The following TFAP2E variants were observed in gnomAD, a reference collection of about 807,000 sequenced individuals.
TFAP2E encodes transcription factor AP-2 epsilon, also known as transcription factor AP-2-epsilon.
A neutral mutation model predicts 37.9 loss-of-function variants in TFAP2E; 30 were observed. The observed-to-expected ratio is 0.79, with a 90% CI of 0.59 to 1.07. The LOEUF is 1.07. TFAP2E is among the 50% of genes least tolerant of loss of function. The pLI is 0.00. For missense variants in TFAP2E, 567 were observed against 637.9 expected, an observed-to-expected ratio of 0.89 and a Z score of 1.20; for synonymous variants, 318 against 295.8, an observed-to-expected ratio of 1.08 and a Z score of -0.77.
chr1:35,574,792 C>G, intron 2 of TFAP2E, 157 bp from the exon 3 acceptor site: 1 of 939,212 alleles, frequency 1.1e-6, no homozygotes. Context: ...CAGCTCAGTG[C>G]CTGGACATAG....
intron 4 of TFAP2E, among the ~76,000 whole-genome samples, chr1:35,589,280 C>T (rs911705579): frequency 4.8e-5 from 7 of 145,086 alleles, no homozygotes; most frequent in Admixed American, 3.5e-4. Flanking sequence ...GTTTACATAT[C>T]TGTGCCACTG....
In TFAP2E at chr1:35,594,611, A is replaced by C; in HGVS notation, c.1264A>C (p.Ser422Arg). The C allele has an allele frequency of 1.2e-6, 2 of 1,614,220 alleles. No individual in the cohort carries two copies. Among genetic ancestry groups the C allele is most frequent in the Non-Finnish European group, 1.7e-6 (2 of 1,180,032 alleles). ...CAAGGGGCTGGACAAGATGTTTCTA[A>C]GCAGTGTGGGCAGTGGGCATGGTGA... ...SLKGLDKMFL[S>R]SVGSGHGETK... The change falls in exon 7 of 7, where the codon AGC becomes CGC. Residue 422 changes from serine to arginine, a missense_variant. Ser to Arg is a moderately radical substitution (Grantham distance 110, BLOSUM62 -1). Transcript: ENST00000373235.
At position 35,573,522 on chromosome 1, in the gene TFAP2E, G is replaced by C. The variant is rs1259368599; in HGVS notation, c.-56G>C. On this transcript the variant is annotated 5_prime_UTR_variant, in exon 1 of 7. Transcript: ENST00000373235. The surrounding 1 kb of genome is among the most constrained non-coding windows in gnomAD (Gnocchi z 5.9). ...CCCGGCGCCTCTGCCCGCAGCGCTC[G>C]CCGTCGGGCTAGGGCTCCGCCGCCG... The C allele has an allele frequency of 6.8e-7, 1 of 1,463,118 alleles. No homozygotes were observed. Among genetic ancestry groups the C allele is most frequent in the African/African-American group, 1.5e-5 (1 of 67,014 alleles). The allele number at this position is 1,463,118 out of a possible 1,614,324, so 90.6% of individuals were successfully genotyped here. A position where few individuals can be genotyped will look rare whatever the true frequency, so the allele number is the denominator to read the frequency against.
chr1:35,574,433 G>T, intron 2 of TFAP2E, 24 bp downstream of exon 2: 1 of 1,374,932 alleles, frequency 7.3e-7, no homozygotes, highest in South Asian at 1.7e-5. Flanking sequence ...GATCCGGGAT[G>T]GGTCGGGACT....
chr1:35,578,332 C>A (rs1649242597), intron 3 of TFAP2E, among the ~76,000 whole-genome samples: 2 of 151,674 alleles, frequency 1.3e-5, no homozygotes, highest in South Asian at 4.2e-4. Context: ...GGAGGCTGAG[C>A]CAGGGGAATC....
chr1:35,587,407 AGGCG>A (rs1649511355), intron 3 of TFAP2E, among the ~76,000 whole-genome samples: 2 of 152,080 alleles, frequency 1.3e-5, no homozygotes, highest in African/African-American at 4.8e-5. Context: ...TGGGAGGCCG[AGGCG>A]GGTGGATCAT....
At chr1:35,575,952 G>C (rs1316836456) in intron 3 of TFAP2E, among the ~76,000 whole-genome samples, 1 of 152,234 alleles carries the variant, frequency 6.6e-6, no homozygotes, top group African/African-American at 2.4e-5. Flanking sequence ...AAAACAGAGA[G>C]ACAGCCAGAG....
Position 35,594,927 on chromosome 1 carries a change from G to A in TFAP2E, c.*251G>A. 1 of 557,864 alleles carries A rather than the reference G, an allele frequency of 1.8e-6. No homozygotes were observed. 34.6% of individuals were successfully genotyped at this position (557,864 alleles called of 1,614,324 possible). A position where few individuals can be genotyped will look rare whatever the true frequency, so the allele number is the denominator to read the frequency against. On this transcript the variant is annotated 3_prime_UTR_variant, in exon 7 of 7. Coordinates refer to ENST00000373235, the MANE Select transcript of TFAP2E (RefSeq NM_178548.4). ...CAATTTTCTGACCTTTGATGGTTGA[G>A]AAGGGTTTGGACAGAAAATTGACAT...
intron 6 of TFAP2E, 147 bp from the exon 7 acceptor site, chr1:35,594,247 G>A: frequency 9.7e-7 from 1 of 1,035,148 alleles, no homozygotes; most frequent in Non-Finnish European, 1.4e-6. Context: ...TTCCTTTTCT[G>A]TAAAAAACAG....
At chr1:35,589,906 C>G (rs761537791) in intron 4 of TFAP2E, 24 bp from the exon 5 acceptor site, 2 of 1,608,306 alleles carry the variant, frequency 1.2e-6, no homozygotes, top group Admixed American at 3.3e-5. Context: ...AGTTGTATGT[C>G]TGTCTGTCTC....
chr1:35,585,571 T>C (rs993843545), intron 3 of TFAP2E, among the ~76,000 whole-genome samples: 2 of 152,218 alleles, frequency 1.3e-5, no homozygotes, highest in Non-Finnish European at 2.9e-5. Context: ...AAAATGTCCA[T>C]TGGATTTTGA....
At chr1:35,574,500 G>A (rs183495025) in intron 2 of TFAP2E, 91 bp downstream of exon 2, 6 of 1,331,306 alleles carry the variant, frequency 4.5e-6, no homozygotes, top group East Asian at 6.2e-5. Context: ...GCAGGAAGCC[G>A]ACTTTTCTCC....
intron 3 of TFAP2E, among the ~76,000 whole-genome samples, chr1:35,586,087 T>G (rs775574023): frequency 6.6e-6 from 1 of 152,018 alleles, no homozygotes. Flanking sequence ...TGTAAATGTA[T>G]ACATGTGGCT....
intron 3 of TFAP2E, among the ~76,000 whole-genome samples, chr1:35,582,111 C>T (rs969677702): frequency 7.9e-5 from 12 of 152,072 alleles, no homozygotes; most frequent in African/African-American, 2.9e-4. Flanking sequence ...AACTCCTGAT[C>T]TCATGATCCA....
At chr1:35,586,375 G>T (rs1308960396) in intron 3 of TFAP2E, among the ~76,000 whole-genome samples, 2 of 152,218 alleles carry the variant, frequency 1.3e-5, no homozygotes, top group African/African-American at 4.8e-5. Flanking sequence ...ACATCATTTT[G>T]TCTAGCTCTG....
intron 3 of TFAP2E, among the ~76,000 whole-genome samples, chr1:35,578,584 C>CA (rs1649251648): frequency 6.6e-6 from 1 of 152,082 alleles, no homozygotes; most frequent in South Asian, 2.1e-4. Context: ...TCCCTCTCCA[C>CA]GGGCTCAGCT....
At chr1:35,584,567 T>G (rs973395544) in intron 3 of TFAP2E, among the ~76,000 whole-genome samples, 5 of 152,074 alleles carry the variant, frequency 3.3e-5, no homozygotes, top group Admixed American at 1.3e-4. Context: ...TTTTTGTTTT[T>G]GAGACAGGGT....
At position 35,588,470 on chromosome 1, in the gene TFAP2E, A is replaced by G. The variant is rs2148552311; in HGVS notation, c.703A>G (p.Lys235Glu). 6.2e-7 allele frequency: 1 copy of G among 1,609,996 alleles called. No homozygotes were observed. Among genetic ancestry groups the G allele is most frequent in the East Asian group, 2.2e-5 (1 of 44,860 alleles). Residue 235 changes from lysine (K) to glutamate (E), a missense_variant, in exon 4 of 7, where the codon AAG (lysine) becomes GAG (glutamate). By Grantham distance (56) the Lys-to-Glu change is moderately conservative. Around this residue, in one of 3 missense-constraint regions of TFAP2E, gnomAD observed 252 missense variants for 302.6 expected, o/e 0.83. Transcript: ENST00000373235. This position sits in a 1 kb window ranked among gnomAD's most constrained non-coding sequence, Gnocchi z 5.1. ...LSLLSSTSKY[K>E]VTVGEVQRRL... ...ACTGCTCAGCTCAACGTCCAAGTAC[A>G]AGGTGACGGTGGGGGAGGTGCAGCG...
intron 3 of TFAP2E, among the ~76,000 whole-genome samples, chr1:35,579,291 GA>G (rs1347041373): frequency 6.6e-6 from 1 of 151,230 alleles, no homozygotes; most frequent in East Asian, 2.0e-4. Context: ...AGCTACTCCG[GA>G]GGCTGAGGCA....
Sources: allele counts gnomAD v4.1 joint callset (sites outside exome capture counted in the v4.1 genomes callset), GRCh38; gene constraint gnomAD v4.1.1; regional missense constraint gnomAD v4.1.1; non-coding constraint Gnocchi (gnomAD v3.1); transcripts MANE v1.5; gene names NCBI Gene and HGNC (gene_info 2026-07-23, HGNC 2026-07-21).